The following HSPA12A variants were observed in gnomAD, a reference collection of about 807,000 sequenced individuals.
HSPA12A encodes the protein heat shock 70 kDa protein 12A.
In HSPA12A, 28 loss-of-function variants were observed where a neutral mutation model predicts 69.2. The observed-to-expected ratio is 0.40, with a 90% CI of 0.30 to 0.55. The LOEUF (loss-of-function observed/expected upper bound fraction) is 0.55. Among genes scored for constraint, HSPA12A ranks in the 20% least tolerant of loss-of-function variants. The pLI is 0.38. For synonymous variants in HSPA12A, 345 were observed against 370.5 expected (o/e 0.93, Z 0.79); for missense variants, 686 against 900.7 (o/e 0.76, Z 3.05).
chr10:116,742,361 TG>T, intron 1 of HSPA12A, 68 bp downstream of exon 1: 1 of 1,387,932 alleles, frequency 7.2e-7, no homozygotes, highest in Non-Finnish European at 9.4e-7. Context: ...TGCGGAGCGT[TG>T]GGCCAAGCGC....
intron 2 of HSPA12A, among the ~76,000 whole-genome samples, chr10:116,791,577 A>G (rs923393030): frequency 6.6e-6 from 1 of 152,120 alleles, no homozygotes; most frequent in Admixed American, 6.5e-5. Flanking sequence ...ATTATTTTTT[A>G]GCTACATATT....
intron 2 of HSPA12A, among the ~76,000 whole-genome samples, chr10:116,768,885 G>C (rs564754389): frequency 6.6e-6 from 1 of 152,110 alleles, no homozygotes; most frequent in Admixed American, 6.5e-5. Flanking sequence ...GGGCCAGCTT[G>C]TTCCTCTGAG....
chr10:116,710,376 G>C lies in HSPA12A; in HGVS notation c.41-3091C>G, dbSNP rs566677098. 6.6e-6 allele frequency among the ~76,000 whole-genome samples: 1 copy of C among 152,260 alleles called. No homozygotes were observed. Among genetic ancestry groups the C allele is most frequent in the South Asian group, 2.1e-4 (1 of 4,822 alleles). Reference sequence around the variant, plus strand: ...AAACTATCCACCCCGCTGCTGCTTGGTCCTAATTATCCCATCACTCAGCCC... The same window carrying C: ...AAACTATCCACCCCGCTGCTGCTTGCTCCTAATTATCCCATCACTCAGCCC... On this transcript the variant is annotated intron_variant, in intron 1 of 11. Transcript: ENST00000369209. The surrounding 1 kb of genome is among the most constrained non-coding windows in gnomAD (Gnocchi z 4.1).
intron 2 of HSPA12A, among the ~76,000 whole-genome samples, chr10:116,801,474 C>T (rs954275095): frequency 2.6e-5 from 4 of 152,048 alleles, no homozygotes; most frequent in African/African-American, 4.8e-5. Flanking sequence ...GCCCCCATCC[C>T]GAGGGGGTTC....
At chr10:116,793,597 A>C (rs1844748519) in intron 2 of HSPA12A, among the ~76,000 whole-genome samples, 1 of 150,296 alleles carries the variant, frequency 6.7e-6, no homozygotes, top group Non-Finnish European at 1.5e-5. Context: ...CAAACAAAAA[A>C]AACCCACAGA....
chr10:116,742,743 C>G (rs1851558113), upstream of HSPA12A, among the ~76,000 whole-genome samples: 1 of 151,728 alleles, frequency 6.6e-6, no homozygotes, highest in African/African-American at 2.4e-5. Context: ...GCTCCCCGCC[C>G]GCCCAGAGCG....
intron 2 of HSPA12A, among the ~76,000 whole-genome samples, chr10:116,751,008 A>T (rs527960024): frequency 1.3e-5 from 2 of 150,044 alleles, no homozygotes; most frequent in Admixed American, 1.3e-4. Context: ...GAGGAAGAAC[A>T]TGAAGAAGAA....
At chr10:116,757,423 G>A (rs535210034) in intron 2 of HSPA12A, among the ~76,000 whole-genome samples, 22 of 152,290 alleles carry the variant, frequency 1.4e-4, no homozygotes, top group African/African-American at 4.6e-4. Flanking sequence ...GAGTGTACCC[G>A]TGTAGACAAC....
chr10:116,679,500 C>T lies in HSPA12A; in HGVS notation c.1286+3G>A, dbSNP rs781854268. 7.4e-6 allele frequency: 12 copies of T among 1,612,822 alleles called. No individual in the cohort carries two copies. The highest frequency in any genetic ancestry group is 1.8e-4 in the Middle Eastern group (1 of 5,586). ...AGAGCCCGAGGTGATGAGCCCAACTCACTTGCTTTTCCGCAAGGCGTGCTC... is the reference window on the plus strand; with the variant it reads ...AGAGCCCGAGGTGATGAGCCCAACTTACTTGCTTTTCCGCAAGGCGTGCTC... On this transcript the variant is annotated splice_donor_region_variant and intron_variant, in intron 10 of 11. Coordinates refer to ENST00000369209, the MANE Select transcript of HSPA12A (RefSeq NM_025015.3).
At chr10:116,793,170 T>C (rs931740018) in intron 2 of HSPA12A, among the ~76,000 whole-genome samples, 1 of 152,178 alleles carries the variant, frequency 6.6e-6, no homozygotes, top group African/African-American at 2.4e-5. Context: ...AAGGAAACTC[T>C]AAAGGATGGA....
chr10:116,805,601 G>T (rs1845051866), intron 2 of HSPA12A, among the ~76,000 whole-genome samples: 2 of 152,064 alleles, frequency 1.3e-5, no homozygotes, highest in Non-Finnish European at 2.9e-5. Context: ...GTACTGACTT[G>T]TGTTTGTCCT....
intron 5 of HSPA12A, among the ~76,000 whole-genome samples, chr10:116,695,525 T>A (rs1463501078): frequency 6.6e-6 from 1 of 151,014 alleles, no homozygotes; most frequent in Non-Finnish European, 1.5e-5. Context: ...CTACTAAAAA[T>A]ACAAAAATTG....
intron 1 of HSPA12A, among the ~76,000 whole-genome samples, chr10:116,721,653 A>G (rs559503126): frequency 6.6e-6 from 1 of 152,274 alleles, no homozygotes; most frequent in Non-Finnish European, 1.5e-5. Context: ...AACCCATCCT[A>G]ATCCCCATCC....
intron 1 of HSPA12A, among the ~76,000 whole-genome samples, chr10:116,717,928 C>T (rs915781073): frequency 2.0e-5 from 3 of 152,110 alleles, no homozygotes; most frequent in Non-Finnish European, 2.9e-5. Flanking sequence ...CCCTCTGGCC[C>T]CAGTTTGCCC....
chr10:116,825,197 A>T (rs1250518726), intron 2 of HSPA12A, among the ~76,000 whole-genome samples: 1 of 151,160 alleles, frequency 6.6e-6, no homozygotes, highest in Admixed American at 6.6e-5. Flanking sequence ...AAAAAAAAAA[A>T]AAATAAGTAA....
chr10:116,845,453 C>T (rs1159912354), intron 1 of HSPA12A, among the ~76,000 whole-genome samples: 2 of 152,154 alleles, frequency 1.3e-5, no homozygotes, highest in African/African-American at 2.4e-5. Context: ...ACACCATACA[C>T]GCCTTCCAAT....
chr10:116,813,968 GA>G (rs959214205), intron 2 of HSPA12A, among the ~76,000 whole-genome samples: 4 of 151,752 alleles, frequency 2.6e-5, no homozygotes, highest in African/African-American at 9.7e-5. Flanking sequence ...GAATCCAAAA[GA>G]AAAAAAGACA....
chr10:116,806,243 C>T (rs995890037), intron 2 of HSPA12A, among the ~76,000 whole-genome samples: 8 of 152,164 alleles, frequency 5.3e-5, no homozygotes, highest in African/African-American at 1.9e-4. Flanking sequence ...CACTCTTGCC[C>T]GGGATGGAGT....
chr10:116,716,459 G>T (rs1370461483), intron 1 of HSPA12A, among the ~76,000 whole-genome samples: 1 of 151,186 alleles, frequency 6.6e-6, no homozygotes, highest in African/African-American at 2.4e-5. Flanking sequence ...GGGGTGGGGT[G>T]GGGGGTGTGT....
Sources: allele counts gnomAD v4.1 joint callset (sites outside exome capture counted in the v4.1 genomes callset), GRCh38; gene constraint gnomAD v4.1.1; non-coding constraint Gnocchi (gnomAD v3.1); transcripts MANE v1.5; gene names NCBI Gene and HGNC (gene_info 2026-07-23, HGNC 2026-07-21).